The following TPST1 variants were observed in gnomAD, a reference collection of about 807,000 sequenced individuals.
The protein encoded by TPST1 is protein-tyrosine sulfotransferase 1.
In TPST1, 20 loss-of-function variants were observed where a neutral mutation model predicts 34.8. That is an observed-to-expected ratio of 0.57 (90% confidence interval 0.40 to 0.84). The LOEUF (loss-of-function observed/expected upper bound fraction) is 0.84, where lower values mean the gene tolerates loss of function less well. TPST1 is among the 40% of genes least tolerant of loss of function. The pLI, the probability that TPST1 is intolerant of heterozygous loss-of-function variation, is 0.00. For missense variants in TPST1, 353 were observed against 455.5 expected, an observed-to-expected ratio of 0.78 and a Z score of 2.05; for synonymous variants, 152 against 159.4, an observed-to-expected ratio of 0.95 and a Z score of 0.35.
chr7:66,305,415 A>G (rs138230959), intron 3 of TPST1, among the ~76,000 whole-genome samples: 74 of 152,252 alleles, frequency 4.9e-4, no homozygotes, highest in African/African-American at 1.6e-3. Context: ...ATAAATGGCC[A>G]TATTGTTTTG....
intron 3 of TPST1, among the ~76,000 whole-genome samples, chr7:66,343,310 C>A (rs1032633365): frequency 3.3e-5 from 5 of 152,060 alleles, no homozygotes; most frequent in African/African-American, 9.7e-5. Flanking sequence ...AAACAAAAAA[C>A]CAAAAACTAC....
intron 1 of TPST1, among the ~76,000 whole-genome samples, chr7:66,234,513 T>G (rs1789870500): frequency 6.6e-6 from 1 of 151,932 alleles, no homozygotes; most frequent in Admixed American, 6.6e-5. Flanking sequence ...ATTGGTCGTT[T>G]GGGTTTTTCA....
At chr7:66,223,024 A>G (rs1316119669) in intron 1 of TPST1, among the ~76,000 whole-genome samples, 1 of 152,160 alleles carries the variant, frequency 6.6e-6, no homozygotes, top group African/African-American at 2.4e-5. Context: ...ATCTAGTGCC[A>G]TGTGACTAAG....
chr7:66,274,329 T>C (rs1371667633), intron 2 of TPST1, among the ~76,000 whole-genome samples: 1 of 150,414 alleles, frequency 6.6e-6, no homozygotes, highest in Non-Finnish European at 1.5e-5. Flanking sequence ...ATCGCGTCAC[T>C]GCACTCCAGC....
chr7:66,252,334 A>G (rs1463615619), intron 2 of TPST1, among the ~76,000 whole-genome samples: 1 of 137,742 alleles, frequency 7.3e-6, no homozygotes, highest in East Asian at 2.2e-4. Context: ...CTGGGATTAC[A>G]GGCTTGAGCC....
chr7:66,223,002 G>A (rs1789575334), intron 1 of TPST1, among the ~76,000 whole-genome samples: 1 of 152,072 alleles, frequency 6.6e-6, no homozygotes, highest in African/African-American at 2.4e-5. Flanking sequence ...CAGAACTGAA[G>A]CTTAATGATT....
At chr7:66,250,605 A>G (rs1790242646) in intron 2 of TPST1, among the ~76,000 whole-genome samples, 2 of 152,128 alleles carry the variant, frequency 1.3e-5, no homozygotes, top group African/African-American at 4.8e-5. Flanking sequence ...TGCAGATGAT[A>G]TGTTCCAAGA....
Position 66,286,710 on chromosome 7 carries a change from G to T in TPST1, c.1044+1G>T. On this transcript the variant is annotated splice_donor_variant, in intron 3 of 5. Transcript: ENST00000304842. LOFTEE classifies it high-confidence loss of function. Reference sequence around the variant, plus strand: ...CAAAATTATTGAAAACACTCGAAGGGTAAGTGAGATTTTTTAAAGCAACTG... The same window carrying T: ...CAAAATTATTGAAAACACTCGAAGGTTAAGTGAGATTTTTTAAAGCAACTG... 1 of 1,502,504 alleles carries T rather than the reference G, an allele frequency of 6.7e-7. No homozygotes were observed. Among genetic ancestry groups the T allele is most frequent in the Non-Finnish European group, 8.9e-7 (1 of 1,120,224 alleles). The allele number at this position is 1,502,504 out of a possible 1,614,324, so 93.1% of individuals were successfully genotyped here. A position where few individuals can be genotyped will look rare whatever the true frequency, so the allele number is the denominator to read the frequency against.
chr7:66,356,966 C>A, intron 5 of TPST1, 95 bp downstream of exon 5: 2 of 1,254,692 alleles, frequency 1.6e-6, no homozygotes, highest in South Asian at 1.3e-5. Context: ...GCTCTGGAGT[C>A]CGTCTGCCAG....
intron 2 of TPST1, among the ~76,000 whole-genome samples, chr7:66,272,590 T>G (rs1428093890): frequency 2.6e-5 from 4 of 151,178 alleles, no homozygotes; most frequent in Admixed American, 2.6e-4. Context: ...CCCAATTCTT[T>G]TTTTTTTTTT....
chr7:66,301,210 TAAAC>T (rs1485840697), intron 3 of TPST1, among the ~76,000 whole-genome samples: 2 of 152,224 alleles, frequency 1.3e-5, no homozygotes, highest in African/African-American at 2.4e-5. Flanking sequence ...TTAATCTTCA[TAAAC>T]AAACAACCTC....
intron 3 of TPST1, among the ~76,000 whole-genome samples, chr7:66,317,994 A>C (rs1584235124): frequency 6.6e-6 from 1 of 152,286 alleles, no homozygotes; most frequent in East Asian, 1.9e-4. Context: ...CCCCGTCTCT[A>C]CTAAAAATAT....
intron 2 of TPST1, among the ~76,000 whole-genome samples, chr7:66,262,961 G>A (rs937169171): frequency 1.3e-5 from 2 of 152,006 alleles, no homozygotes; most frequent in African/African-American, 2.4e-5. Flanking sequence ...TTAGCCAGGT[G>A]TGGTGGCATG....
intron 2 of TPST1, among the ~76,000 whole-genome samples, chr7:66,277,992 C>G (rs1171829170): frequency 6.6e-6 from 1 of 150,852 alleles, no homozygotes; most frequent in Non-Finnish European, 1.5e-5. Flanking sequence ...CCCAGCTACT[C>G]AGGAGGCTGA....
At chr7:66,355,796 T>C (rs1792570071) in intron 4 of TPST1, among the ~76,000 whole-genome samples, 1 of 150,368 alleles carries the variant, frequency 6.7e-6, no homozygotes, top group South Asian at 2.1e-4. Context: ...TCCCAGCTGC[T>C]CCTGAGGCTG....
At chr7:66,253,693 C>T (rs561450128) in intron 2 of TPST1, among the ~76,000 whole-genome samples, 108 of 151,588 alleles carry the variant, frequency 7.1e-4, no homozygotes, top group South Asian at 1.1e-3. Flanking sequence ...TTCACTTAGT[C>T]TATCCTAATG....
At chr7:66,322,149 A>C (rs963854660) in intron 3 of TPST1, among the ~76,000 whole-genome samples, 1 of 152,120 alleles carries the variant, frequency 6.6e-6, no homozygotes, top group African/African-American at 2.4e-5. Context: ...AAGTCCTTGG[A>C]TATATCCTCC....
intron 1 of TPST1, among the ~76,000 whole-genome samples, chr7:66,234,733 G>A (rs1037066198): frequency 6.6e-6 from 1 of 152,128 alleles, no homozygotes; most frequent in African/African-American, 2.4e-5. Flanking sequence ...TCGGAGTGCG[G>A]TGGCAGGATC....
At chr7:66,353,206 T>C (rs953381485) in intron 4 of TPST1, among the ~76,000 whole-genome samples, 1 of 152,128 alleles carries the variant, frequency 6.6e-6, no homozygotes, top group African/African-American at 2.4e-5. Context: ...TCCCAGCTAC[T>C]TGGGAGGCTG....
Sources: allele counts gnomAD v4.1 joint callset (sites outside exome capture counted in the v4.1 genomes callset), GRCh38; gene constraint gnomAD v4.1.1; transcripts MANE v1.5; gene names NCBI Gene and HGNC (gene_info 2026-07-23, HGNC 2026-07-21).